Variants in PLXNA1 observed in about 807,000 individuals in gnomAD.
PLXNA1 encodes plexin A1.
Under a neutral mutation model 191.7 loss-of-function variants are expected in PLXNA1, and 77 were observed. That is an observed-to-expected ratio of 0.40 (90% CI 0.33 to 0.49). The LOEUF is 0.49. Ranked by LOEUF, PLXNA1 falls within the 20% of genes least tolerant of loss-of-function variation. The pLI, the probability that PLXNA1 is intolerant of heterozygous loss-of-function variation, is 0.63. For synonymous variants in PLXNA1, 1,137 were observed against 1,156.4 expected (o/e 0.98, Z 0.34); for missense variants, 2,110 against 2,660.2 (o/e 0.79, Z 4.55).
rs557968499 is a variant in PLXNA1, at chr3:127,034,507, A to G, written c.*490A>G. 1.8e-4 allele frequency: 27 copies of G among 153,578 alleles called. No individual in the cohort carries two copies. Among genetic ancestry groups the G allele is most frequent in the African/African-American group, 5.8e-4 (24 of 41,616 alleles). 9.5% of individuals were successfully genotyped at this position (153,578 alleles called of 1,614,324 possible). ...CGGGGCCCGGTTGGCAGCTGGAGAA[A>G]GAGGCAAAAAGCCCGTAGCCGGGCA... is the stretch of plus-strand genomic sequence containing the variant. On this transcript the variant is annotated 3_prime_UTR_variant, in exon 32 of 32. Transcript: ENST00000393409.
intron 20 of PLXNA1, among the ~76,000 whole-genome samples, chr3:127,019,879 G>A (rs1310426999): frequency 1.3e-5 from 2 of 152,192 alleles, no homozygotes; most frequent in African/African-American, 4.8e-5. Flanking sequence ...CACAGCGGGT[G>A]GAAGGAGCCC....
intron 10 of PLXNA1, among the ~76,000 whole-genome samples, chr3:127,012,642 C>T (rs927948342): frequency 5.9e-5 from 9 of 152,248 alleles, no homozygotes; most frequent in South Asian, 2.1e-4. Context: ...CCCATTGGCC[C>T]GCACTTGCAC....
chr3:127,014,661 G>A, intron 13 of PLXNA1, 32 bp downstream of exon 13: 2 of 1,609,414 alleles, frequency 1.2e-6, no homozygotes, highest in Non-Finnish European at 1.7e-6. Flanking sequence ...TGCGGGGCGG[G>A]ACGGGACGGG....
intron 19 of PLXNA1, among the ~76,000 whole-genome samples, 165 bp downstream of exon 19, chr3:127,018,057 C>T (rs536715876): frequency 2.0e-5 from 3 of 152,282 alleles, no homozygotes; most frequent in East Asian, 3.9e-4. Flanking sequence ...CCTGCCACCT[C>T]CTTGAGCCCC....
rs2079210491 is a variant in PLXNA1 at position 127,031,460 on chromosome 3, C to T, written c.5232-927C>T. ...CTGGACCCTGCTTCACCAGGAAGTG[C>T]CCCTCCTCACCGTGCATCCTGCTGG... On this transcript the variant is annotated intron_variant, in intron 29 of 31. Transcript: ENST00000393409. 2.0e-5 allele frequency among the ~76,000 whole-genome samples: 3 copies of T among 152,274 alleles called. No homozygotes were observed. In the South Asian group the frequency reaches 6.2e-4, roughly 32 times the overall value.
At position 127,034,261 on chromosome 3, in the gene PLXNA1, GGT is replaced by G; in HGVS notation, c.*246_*247del. ...TTGCTCAGGGGCCGGGACAGCACTGGGTGCTCAGGCTGGCCAAGGACCTTCAT... is the reference window on the plus strand; with the variant it reads ...TTGCTCAGGGGCCGGGACAGCACTGGGCTCAGGCTGGCCAAGGACCTTCAT... On this transcript the variant is annotated 3_prime_UTR_variant, in exon 32 of 32. Coordinates refer to ENST00000393409, the MANE Select transcript of PLXNA1 (RefSeq NM_032242.4). 2.2e-6 allele frequency: 1 copy of G among 453,364 alleles called. No individual in the cohort carries two copies. Among genetic ancestry groups the G allele is most frequent in the South Asian group, 4.8e-5 (1 of 20,744 alleles). 28.1% of individuals were successfully genotyped at this position (453,364 alleles called of 1,614,324 possible). A position where few individuals can be genotyped will look rare whatever the true frequency, so the allele number is the denominator to read the frequency against.
chr3:127,017,736 C>T lies in PLXNA1; in HGVS notation c.3517-13C>T. ...CCTCGTCCTGGGCTCTGGCTCACCC[C>T]CATCTCCTACAGGGCCGGAACCTCT... On this transcript the variant is annotated splice_polypyrimidine_tract_variant and intron_variant, in intron 18 of 31. Coordinates refer to ENST00000393409, the MANE Select transcript of PLXNA1 (RefSeq NM_032242.4). 6.2e-7 allele frequency: 1 copy of T among 1,613,298 alleles called. No homozygotes were observed. The highest frequency in any genetic ancestry group is 1.1e-5 in the South Asian group (1 of 91,082).
At chr3:127,013,953 GGGCGTGA>G in intron 10 of PLXNA1, 60 bp from the exon 11 acceptor site, 1 of 1,426,942 alleles carries the variant, frequency 7.0e-7, no homozygotes, top group Non-Finnish European at 9.9e-7. Flanking sequence ...GTGGCTTTGT[GGGCGTGA>G]GGCTTGGGAG....
intron 23 of PLXNA1, chr3:127,027,121 C>T (rs2079180156): frequency 5.9e-6 from 1 of 170,150 alleles, no homozygotes; most frequent in Non-Finnish European, 1.3e-5. Context: ...GGGCGCTCCC[C>T]AGGAGCCTTT....
chr3:126,985,077 C>G (rs2078951730), intron 1 of PLXNA1, among the ~76,000 whole-genome samples: 1 of 152,186 alleles, frequency 6.6e-6, no homozygotes, highest in South Asian at 2.1e-4. Context: ...ACACCCCAAC[C>G]TGCCTGAGCC....
At chr3:127,015,741 T>A (rs1054746872) in intron 15 of PLXNA1, among the ~76,000 whole-genome samples, 3 of 152,232 alleles carry the variant, frequency 2.0e-5, no homozygotes, top group Non-Finnish European at 4.4e-5. Context: ...TTACCCGTTA[T>A]CAGACTAATC....
chr3:127,025,439 T>C (rs1347556118), intron 23 of PLXNA1, among the ~76,000 whole-genome samples: 1 of 152,254 alleles, frequency 6.6e-6, no homozygotes, highest in Non-Finnish European at 1.5e-5. Context: ...TAAAAAAATT[T>C]GTTATGGTGA....
At chr3:127,022,445 G>C (rs941111218) in intron 22 of PLXNA1, 104 bp downstream of exon 22, 2 of 1,404,462 alleles carry the variant, frequency 1.4e-6, no homozygotes, top group Non-Finnish European at 1.9e-6. Flanking sequence ...AGTTCCCACC[G>C]GGCAGGGGTG....
rs1335194172 is a variant in PLXNA1 at position 126,988,881 on chromosome 3, C to CCCG, written c.294_296dup (p.Pro99dup). ...CTGTGGAGGACAACGAGAAGTGCTA[C>CCCG]CCGCCGCCCAGCGTGCAGTCCTGCC... On this transcript the variant is annotated inframe_insertion, in exon 2 of 32. Transcript: ENST00000393409. The CCCG allele has an allele frequency of 6.2e-7, 1 of 1,613,326 alleles. No individual in the cohort carries two copies.
At position 127,013,368 on chromosome 3, in the gene PLXNA1, A is replaced by AATG. The variant is rs2079105255; in HGVS notation, c.2314-647_2314-645dup. Among the ~76,000 whole-genome samples, 4 of 152,132 alleles carry AATG rather than the reference A, an allele frequency of 2.6e-5. No individual in the cohort carries two copies. The South Asian group carries it at 8.3e-4, about 32-fold the overall frequency. Reference sequence around the variant, plus strand: ...CCAATTAAATTCCTGCAGATAAAATAATGATGAATTGCCGGGCCGCCCCTT... The same window carrying AATG: ...CCAATTAAATTCCTGCAGATAAAATAATGATGATGAATTGCCGGGCCGCCCCTT... On this transcript the variant is annotated intron_variant, in intron 10 of 31. Transcript: ENST00000393409.
chr3:127,001,972 G>C (rs1012595682), intron 3 of PLXNA1, among the ~76,000 whole-genome samples: 2 of 152,252 alleles, frequency 1.3e-5, no homozygotes, highest in Non-Finnish European at 2.9e-5. Flanking sequence ...CGTCCGTCGG[G>C]CAGGCCTTGG....
intron 3 of PLXNA1, among the ~76,000 whole-genome samples, chr3:126,993,127 G>A (rs1434408394): frequency 2.0e-5 from 3 of 152,218 alleles, no homozygotes; most frequent in Non-Finnish European, 4.4e-5. Context: ...TGCTGAGGGA[G>A]CAGCAGGACA....
chr3:127,022,741 G>A lies in PLXNA1; in HGVS notation c.4296-11G>A. On this transcript the variant is annotated splice_polypyrimidine_tract_variant and intron_variant, in intron 22 of 31. Transcript: ENST00000393409. ...AATGACACCACTCTGCCCATATTCT[G>A]TGCTCCCCAGGACTGAGTCGGTGGC... The A allele has an allele frequency of 2.5e-6, 4 of 1,613,358 alleles. No individual in the cohort carries two copies. The highest frequency in any genetic ancestry group is 2.5e-6 in the Non-Finnish European group (3 of 1,179,438).
chr3:127,002,963 A>AG (rs2079048012), intron 3 of PLXNA1, among the ~76,000 whole-genome samples: 1 of 152,130 alleles, frequency 6.6e-6, no homozygotes, highest in African/African-American at 2.4e-5. Context: ...GCCTGGCCCC[A>AG]GGGATGGCTA....
Sources: gnomAD v4.1 joint callset for allele counts (sites outside exome capture counted in the v4.1 genomes callset) on GRCh38, gnomAD v4.1.1 for gene constraint, MANE v1.5 for transcripts, NCBI Gene and HGNC (gene_info 2026-07-23, HGNC 2026-07-21) for gene names.